PELI1: variants seen among roughly 807,000 people sequenced by gnomAD.
The protein encoded by PELI1 is pellino E3 ubiquitin protein ligase 1, also known as E3 ubiquitin-protein ligase pellino homolog 1.
PELI1 carries 15 observed loss-of-function variants against 41.3 expected under a neutral mutation model. The observed-to-expected ratio is 0.36, with a 90% CI of 0.24 to 0.56. The LOEUF is 0.56. Among genes scored for constraint, PELI1 ranks in the 20% least tolerant of loss-of-function variants. The pLI is 0.82. For missense variants in PELI1, 403 were observed against 525.5 expected (o/e 0.77, Z 2.28); for synonymous variants, 178 against 180.1 (o/e 0.99, Z 0.09).
intron 3 of PELI1, 103 bp downstream of exon 3, chr2:64,104,598 C>T (rs1352449180): frequency 3.6e-6 from 5 of 1,376,718 alleles, no homozygotes; most frequent in Non-Finnish European, 4.7e-6. Flanking sequence ...AAGGCAATTT[C>T]TGAAATAGAA....
In PELI1 at chr2:64,108,230, GAA is replaced by G. The variant is rs1441279432; in HGVS notation, c.71+8_71+9del. On this transcript the variant is annotated splice_region_variant and intron_variant, in intron 2 of 6. Transcript: ENST00000358912. ...TAAACTGTGTGTGTCATCAAATGGA[GAA>G]ACCTTACCCTAAGACAATGAGTTCA... 6.7e-7 allele frequency: 1 copy of G among 1,490,284 alleles called. No individual in the cohort carries two copies. Among genetic ancestry groups the G allele is most frequent in the Non-Finnish European group, 9.4e-7 (1 of 1,069,084 alleles). The allele number at this position is 1,490,284 out of a possible 1,614,324, so 92.3% of individuals were successfully genotyped here.
At chr2:64,117,155 C>T (rs1558480499) in intron 1 of PELI1, among the ~76,000 whole-genome samples, 1 of 152,086 alleles carries the variant, frequency 6.6e-6, no homozygotes, top group Non-Finnish European at 1.5e-5. Context: ...CTACAGTGGC[C>T]TCTAACTGTT....
At position 64,094,497 on chromosome 2, in the gene PELI1, A is replaced by C; in HGVS notation, c.*205T>G. ...ATATTTTCAAAACTCAGAATTCAGA[A>C]GACTGATACTTTCAGAAATTCCTTT... On this transcript the variant is annotated 3_prime_UTR_variant, in exon 7 of 7. Transcript: ENST00000358912. 2.0e-6 allele frequency: 1 copy of C among 492,666 alleles called. No individual in the cohort carries two copies. The highest frequency in any genetic ancestry group is 3.6e-6 in the Non-Finnish European group (1 of 280,166). 30.5% of individuals were successfully genotyped at this position (492,666 alleles called of 1,614,324 possible).
Position 64,104,486 on chromosome 2 carries a change from C to G in PELI1, c.201+215G>C. 3 of 589,550 alleles carry G rather than the reference C, an allele frequency of 5.1e-6. No homozygotes were observed. The South Asian group carries it at 1.3e-4, about 26-fold the overall frequency. 36.5% of individuals were successfully genotyped at this position (589,550 alleles called of 1,614,324 possible). A position where few individuals can be genotyped will look rare whatever the true frequency, so the allele number is the denominator to read the frequency against. On this transcript the variant is annotated intron_variant, in intron 3 of 6. Coordinates refer to ENST00000358912, the MANE Select transcript of PELI1 (RefSeq NM_020651.4). ...AGTGTTTCCTTCTAATTTCCACCCA[C>G]TGATCCTGGTTTGTCATTTTTTTTT...
intron 3 of PELI1, chr2:64,104,499 G>T: frequency 1.4e-6 from 1 of 717,808 alleles, no homozygotes; most frequent in Non-Finnish European, 2.0e-6. Context: ...ATCCTGGTTT[G>T]TCATTTTTTT....
chr2:64,119,336 T>A (rs755154640), intron 1 of PELI1, among the ~76,000 whole-genome samples: 1 of 152,224 alleles, frequency 6.6e-6, no homozygotes, highest in Non-Finnish European at 1.5e-5. Flanking sequence ...ACCTGAAGCA[T>A]TGACAATGTG....
At chr2:64,119,591 C>T (rs980123944) in intron 1 of PELI1, among the ~76,000 whole-genome samples, 5 of 152,186 alleles carry the variant, frequency 3.3e-5, no homozygotes, top group African/African-American at 1.2e-4. Flanking sequence ...ATTCTAGATT[C>T]CATTGACTGA....
intron 1 of PELI1, among the ~76,000 whole-genome samples, chr2:64,110,928 A>AAT (rs113178570): frequency 0.075 from 11,236 of 149,102 alleles, 601 homozygotes; most frequent in African/African-American, 0.16. Flanking sequence ...TCCATTTCAA[A>AAT]ATATATATAT....
At chr2:64,125,630 C>G (rs1558483992) in intron 1 of PELI1, among the ~76,000 whole-genome samples, 1 of 152,124 alleles carries the variant, frequency 6.6e-6, no homozygotes, top group Non-Finnish European at 1.5e-5. Flanking sequence ...AATTACCTAG[C>G]CTGTCCCTCT....
At chr2:64,138,513 G>A (rs1325137875) in intron 1 of PELI1, among the ~76,000 whole-genome samples, 1 of 152,106 alleles carries the variant, frequency 6.6e-6, no homozygotes, top group African/African-American at 2.4e-5. Context: ...GATCACCTGA[G>A]GTCAGGAGTT....
chr2:64,121,123 G>T (rs1681194810), intron 1 of PELI1, among the ~76,000 whole-genome samples: 1 of 152,158 alleles, frequency 6.6e-6, no homozygotes, highest in African/African-American at 2.4e-5. Flanking sequence ...CAGGTAGGCT[G>T]CTTATATCCA....
intron 1 of PELI1, among the ~76,000 whole-genome samples, chr2:64,119,016 T>C (rs1009229330): frequency 5.4e-5 from 8 of 147,472 alleles, no homozygotes; most frequent in Non-Finnish European, 9.0e-5. Flanking sequence ...TGTAGCTTGA[T>C]TGCAAAAATA....
intron 1 of PELI1, among the ~76,000 whole-genome samples, chr2:64,142,355 A>G (rs1158742717): frequency 6.6e-6 from 1 of 152,218 alleles, no homozygotes; most frequent in Non-Finnish European, 1.5e-5. Flanking sequence ...CCAAAATCTA[A>G]AATGTAAGGA....
At position 64,115,695 on chromosome 2, in the gene PELI1, GA is replaced by G. The variant is rs770413318; in HGVS notation, c.-69-7317del. Among the ~76,000 whole-genome samples, 3 of 152,156 alleles carry G rather than the reference GA, an allele frequency of 2.0e-5. No individual in the cohort carries two copies. In the East Asian group the frequency reaches 5.8e-4, roughly 29 times the overall value. On this transcript the variant is annotated intron_variant, in intron 1 of 6. Transcript: ENST00000358912. ...ATAAATGGAGAAACTGAAGCTACCA[GA>G]GGTAAAGTGGTCCAGATTTTCTAAT...
intron 2 of PELI1, among the ~76,000 whole-genome samples, chr2:64,105,539 C>T (rs1371330144): frequency 1.3e-5 from 2 of 152,076 alleles, no homozygotes; most frequent in African/African-American, 2.4e-5. Context: ...TTACTATGTA[C>T]CAGGCACTAT....
At chr2:64,099,928 T>C (rs1324368644) in intron 4 of PELI1, among the ~76,000 whole-genome samples, 1 of 152,208 alleles carries the variant, frequency 6.6e-6, no homozygotes, top group Non-Finnish European at 1.5e-5. Context: ...ACATAGATAA[T>C]ACAAATAGTT....
intron 3 of PELI1, among the ~76,000 whole-genome samples, chr2:64,103,557 C>T (rs1680517598): frequency 6.6e-6 from 1 of 152,170 alleles, no homozygotes; most frequent in South Asian, 2.1e-4. Context: ...CCACCACCTG[C>T]TTAGTATATT....
Position 64,104,966 on chromosome 2 carries a change from G to C in PELI1, c.72-136C>G, listed in dbSNP as rs575361575. ...CATTATAATTATTTAAAATTCCTTT[G>C]AGCAACTGTTGATCTCCATACCAGG... On this transcript the variant is annotated intron_variant, in intron 2 of 6. Coordinates refer to ENST00000358912, the MANE Select transcript of PELI1 (RefSeq NM_020651.4). The C allele has an allele frequency of 2.2e-5, 15 of 692,114 alleles. 1 individual carries two copies. Among genetic ancestry groups the C allele is most frequent in the Admixed American group, 1.9e-4 (6 of 31,768 alleles). 42.9% of individuals were successfully genotyped at this position (692,114 alleles called of 1,614,324 possible).
chr2:64,133,766 T>C (rs904145939), intron 1 of PELI1, among the ~76,000 whole-genome samples: 16 of 152,170 alleles, frequency 1.1e-4, no homozygotes, highest in Admixed American at 8.5e-4. Flanking sequence ...ATCCTTTTCA[T>C]GTAATAGATA....
Sources: gnomAD v4.1 joint callset for allele counts (sites outside exome capture counted in the v4.1 genomes callset) on GRCh38, gnomAD v4.1.1 for gene constraint, MANE v1.5 for transcripts, NCBI Gene and HGNC (gene_info 2026-07-23, HGNC 2026-07-21) for gene names.